Variants in GCNT3 observed in about 807,000 individuals in gnomAD.
GCNT3 encodes the protein glucosaminyl (N-acetyl) transferase 3, mucin type.
For synonymous variants in GCNT3, 269 were observed against 195.2 expected (o/e 1.38, Z -3.15); for missense variants, 708 against 530.3 (o/e 1.34, Z -3.29).
chr15:59,622,399 A>G lies in GCNT3; in HGVS notation c.*2844A>G, dbSNP rs549779784. On this transcript the variant is annotated 3_prime_UTR_variant, in exon 3 of 3. Coordinates refer to ENST00000396065, the MANE Select transcript of GCNT3 (RefSeq NM_004751.3). ...TCACTACCAACTTGCCTGCATTGTA[A>G]TAGAGTCCTATTCACTTTGCTCCCA... is the stretch of plus-strand genomic sequence containing the variant. 51 of 152,184 alleles carry G rather than the reference A, an allele frequency of 3.4e-4. 1 individual carries two copies. The highest frequency in any genetic ancestry group is 1.1e-3 in the African/African-American group (46 of 41,496). The allele number at this position is 152,184 out of a possible 1,614,324, so 9.4% of individuals were successfully genotyped here. A position where few individuals can be genotyped will look rare whatever the true frequency, so the allele number is the denominator to read the frequency against.
chr15:59,618,546 A>G lies in GCNT3; in HGVS notation c.308A>G (p.Tyr103Cys), dbSNP rs2082730938. 1.2e-6 allele frequency: 2 copies of G among 1,614,058 alleles called. No homozygotes were observed. Among genetic ancestry groups the G allele is most frequent in the Non-Finnish European group, 1.7e-6 (2 of 1,180,014 alleles). Reference protein sequence around the residue: ...KKREPFTDTHYLSLTRDCEHF... With the variant: ...KKREPFTDTHCLSLTRDCEHF... ...CGAGAGCCTTTCACAGACACCCACTACCTCTCCCTCACCAGAGACTGTGAG... is the reference window on the plus strand; with the variant it reads ...CGAGAGCCTTTCACAGACACCCACTGCCTCTCCCTCACCAGAGACTGTGAG... Residue 103 changes from tyrosine to cysteine, a missense_variant, in exon 3 of 3, where the codon TAC becomes TGC. Transcript: ENST00000396065.
intron 1 of GCNT3, among the ~76,000 whole-genome samples, chr15:59,613,634 G>A (rs1388797717): frequency 1.3e-5 from 2 of 152,042 alleles, no homozygotes; most frequent in Non-Finnish European, 2.9e-5. Flanking sequence ...GCTGAGGTAG[G>A]AGGATCGCTT....
intron 1 of GCNT3, among the ~76,000 whole-genome samples, chr15:59,613,561 T>C: frequency 6.7e-6 from 1 of 149,398 alleles, no homozygotes; most frequent in South Asian, 2.1e-4. Flanking sequence ...AATAAATAAA[T>C]AAATAAATAA....
chr15:59,616,813 G>T lies in GCNT3; in HGVS notation c.-129G>T. ...CATTTGCTGCCACGGAACACCGCCAGTCTTCACTTGGAAACAGAATCACGC... is the reference window on the plus strand; with the variant it reads ...CATTTGCTGCCACGGAACACCGCCATTCTTCACTTGGAAACAGAATCACGC... On this transcript the variant is annotated 5_prime_UTR_variant, in exon 2 of 3. Coordinates refer to ENST00000396065, the MANE Select transcript of GCNT3 (RefSeq NM_004751.3). 6.6e-6 allele frequency: 1 copy of T among 152,334 alleles called. No homozygotes were observed. The highest frequency in any genetic ancestry group is 1.5e-5 in the Non-Finnish European group (1 of 68,028). 9.4% of individuals were successfully genotyped at this position (152,334 alleles called of 1,614,324 possible). A position where few individuals can be genotyped will look rare whatever the true frequency, so the allele number is the denominator to read the frequency against.
Position 59,618,320 on chromosome 15 carries a change from A to C in GCNT3, c.82A>C (p.Lys28Gln), listed in dbSNP as rs149855339. The change falls in exon 3 of 3, where the codon AAA (lysine) becomes CAA (glutamine). Residue 28 changes from lysine (K) to glutamine (Q), a missense_variant. Coordinates refer to ENST00000396065, the MANE Select transcript of GCNT3 (RefSeq NM_004751.3). ...CYMLLATVAL[K>Q]LSFRLKCDSD... ...TATGCTGCTGGCCACTGTGGCTCTGAAACTTTCTTTCAGGTTGAAGTGTGA... is the reference window on the plus strand; with the variant it reads ...TATGCTGCTGGCCACTGTGGCTCTGCAACTTTCTTTCAGGTTGAAGTGTGA... 2.5e-6 allele frequency: 4 copies of C among 1,613,828 alleles called. No individual in the cohort carries two copies. Among genetic ancestry groups the C allele is most frequent in the African/African-American group, 1.3e-5 (1 of 75,010 alleles).
Position 59,618,180 on chromosome 15 carries a change from A to G in GCNT3, c.-59A>G. 8.6e-6 allele frequency: 8 copies of G among 933,338 alleles called. No individual in the cohort carries two copies. The South Asian group carries it at 1.1e-4, about 13-fold the overall frequency. 57.8% of individuals were successfully genotyped at this position (933,338 alleles called of 1,614,324 possible). A position where few individuals can be genotyped will look rare whatever the true frequency, so the allele number is the denominator to read the frequency against. ...TGGAGGCATTTTGTTCTGTCCAAGGATTGTGTCCTCCTCCACCTTCCCTGT... is the reference window on the plus strand; with the variant it reads ...TGGAGGCATTTTGTTCTGTCCAAGGGTTGTGTCCTCCTCCACCTTCCCTGT... On this transcript the variant is annotated splice_region_variant and 5_prime_UTR_variant, in exon 3 of 3. Transcript: ENST00000396065.
rs2082697793 is a variant in GCNT3, at chr15:59,611,840, C to T, written c.-392C>T. 1 of 152,162 alleles carries T rather than the reference C, an allele frequency of 6.6e-6. No individual in the cohort carries two copies. The highest frequency in any genetic ancestry group is 1.5e-5 in the Non-Finnish European group (1 of 68,078). The allele number at this position is 152,162 out of a possible 1,614,324, so 9.4% of individuals were successfully genotyped here. A position where few individuals can be genotyped will look rare whatever the true frequency, so the allele number is the denominator to read the frequency against. The stretch of plus-strand genomic sequence containing the variant: ...ACTGCCCTTGCTACTTGTGACCTGC[C>T]CTTTACTCAGCAGTTTTTGTTCTGG... On this transcript the variant is annotated 5_prime_UTR_variant, in exon 1 of 3. Transcript: ENST00000396065.
rs2082730184 is a variant in GCNT3 at position 59,618,452 on chromosome 15, G to T, written c.214G>T (p.Gly72Trp). The T allele has an allele frequency of 2.5e-6, 4 of 1,613,746 alleles. No individual in the cohort carries two copies. Among genetic ancestry groups the T allele is most frequent in the African/African-American group, 1.3e-5 (1 of 74,890 alleles). ...AGCAAAGAGGTCTATCAACTGTTCA[G>T]GGGTCACCCGAGGGGACCAAGAGGC... ...LPAKRSINCSGVTRGDQEAVL... is the reference protein window; with the variant it reads ...LPAKRSINCSWVTRGDQEAVL... Residue 72 changes from glycine to tryptophan, a missense_variant, in exon 3 of 3, where the codon GGG becomes TGG. Transcript: ENST00000396065.
In GCNT3 at chr15:59,619,223, G is replaced by T; in HGVS notation, c.985G>T (p.Asp329Tyr). ...IEWVKDTYSP[D>Y]EHLWATLQRA... is the part of the protein sequence containing the mutation. Reference sequence around the variant, plus strand: ...ATGGGTAAAAGACACTTATAGCCCAGATGAACACCTCTGGGCCACCCTTCA... The same window carrying T: ...ATGGGTAAAAGACACTTATAGCCCATATGAACACCTCTGGGCCACCCTTCA... Residue 329 changes from aspartate to tyrosine, a missense_variant, in exon 3 of 3, where the codon GAT (aspartate) becomes TAT (tyrosine). By Grantham distance (160) the Asp-to-Tyr change is radical (BLOSUM62 -3). Coordinates refer to ENST00000396065, the MANE Select transcript of GCNT3 (RefSeq NM_004751.3). The T allele has an allele frequency of 6.2e-7, 1 of 1,614,094 alleles. No homozygotes were observed. Among genetic ancestry groups the T allele is most frequent in the Non-Finnish European group, 8.5e-7 (1 of 1,179,998 alleles).
Position 59,618,675 on chromosome 15 carries a change from T to G in GCNT3, c.437T>G (p.Phe146Cys), listed in dbSNP as rs765596866. ...GTGATTCATGAGAAGATTGAAAACT[T>G]TGAAAGGCTACTGCGAGCTGTGTAT... is the stretch of plus-strand genomic sequence containing the variant. ...SMVIHEKIEN[F>C]ERLLRAVYAP... is the part of the protein sequence containing the mutation. The change falls in exon 3 of 3, where the codon TTT (phenylalanine) becomes TGT (cysteine). Residue 146 changes from phenylalanine (F) to cysteine (C), a missense_variant. Phe to Cys is a radical substitution (Grantham distance 205). Coordinates refer to ENST00000396065, the MANE Select transcript of GCNT3 (RefSeq NM_004751.3). The G allele has an allele frequency of 3.1e-6, 5 of 1,614,188 alleles. No homozygotes were observed. Among genetic ancestry groups the G allele is most frequent in the Non-Finnish European group, 4.2e-6 (5 of 1,180,036 alleles).
intron 1 of GCNT3, among the ~76,000 whole-genome samples, chr15:59,616,025 G>A (rs565190197): frequency 2.6e-5 from 4 of 152,260 alleles, no homozygotes; most frequent in East Asian, 3.9e-4. Context: ...CTATACCATG[G>A]CCAAAACCAC....
In GCNT3 at chr15:59,618,193, C is replaced by G; in HGVS notation, c.-46C>G. On this transcript the variant is annotated 5_prime_UTR_variant, in exon 3 of 3. Transcript: ENST00000396065. ...TTCTGTCCAAGGATTGTGTCCTCCT[C>G]CACCTTCCCTGTGCTCGGTCTCCAC... is the stretch of plus-strand genomic sequence containing the variant. The G allele has an allele frequency of 2.8e-6, 3 of 1,074,268 alleles. No homozygotes were observed. The highest frequency in any genetic ancestry group is 4.1e-6 in the Non-Finnish European group (3 of 729,324). 66.5% of individuals were successfully genotyped at this position (1,074,268 alleles called of 1,614,324 possible).
In GCNT3 at chr15:59,622,320, A is replaced by G. The variant is rs892391413; in HGVS notation, c.*2765A>G. 6.6e-6 allele frequency: 1 copy of G among 152,146 alleles called. No individual in the cohort carries two copies. The highest frequency in any genetic ancestry group is 1.9e-4 in the East Asian group (1 of 5,176). 9.4% of individuals were successfully genotyped at this position (152,146 alleles called of 1,614,324 possible). A position where few individuals can be genotyped will look rare whatever the true frequency, so the allele number is the denominator to read the frequency against. On this transcript the variant is annotated 3_prime_UTR_variant, in exon 3 of 3. Transcript: ENST00000396065. ...AGAGCCAGACTGAGTCTCAAAAAAA[A>G]AAAAAAAGTTACCTTTTTTTGGTAA...
Position 59,611,953 on chromosome 15 carries a change from T to A in GCNT3, c.-279T>A, listed in dbSNP as rs1305451358. Reference sequence around the variant, plus strand: ...ATGACCTCAAGGAGCTTCCTGTCAATGAGAAGACCAAGCTGACGCCTGGCA... The same window carrying A: ...ATGACCTCAAGGAGCTTCCTGTCAAAGAGAAGACCAAGCTGACGCCTGGCA... On this transcript the variant is annotated 5_prime_UTR_variant, in exon 1 of 3. It removes an upstream start codon present in the reference 5' UTR. Coordinates refer to ENST00000396065, the MANE Select transcript of GCNT3 (RefSeq NM_004751.3). 1.3e-5 allele frequency: 2 copies of A among 152,182 alleles called. No homozygotes were observed. The highest frequency in any genetic ancestry group is 2.4e-5 in the African/African-American group (1 of 41,436). 9.4% of individuals were successfully genotyped at this position (152,182 alleles called of 1,614,324 possible).
At position 59,620,334 on chromosome 15, in the gene GCNT3, A is replaced by C. The variant is rs1595657740; in HGVS notation, c.*779A>C. ...AGGCATGCAGCACCATGTCTGGCTAATTTTTGTATTTTTAGTAGAGGCCGG... is the reference window on the plus strand; with the variant it reads ...AGGCATGCAGCACCATGTCTGGCTACTTTTTGTATTTTTAGTAGAGGCCGG... On this transcript the variant is annotated 3_prime_UTR_variant, in exon 3 of 3. Coordinates refer to ENST00000396065, the MANE Select transcript of GCNT3 (RefSeq NM_004751.3). 1 of 166,126 alleles carries C rather than the reference A, an allele frequency of 6.0e-6. No homozygotes were observed. The highest frequency in any genetic ancestry group is 1.9e-4 in the East Asian group (1 of 5,194). The allele number at this position is 166,126 out of a possible 1,614,324, so 10.3% of individuals were successfully genotyped here. A position where few individuals can be genotyped will look rare whatever the true frequency, so the allele number is the denominator to read the frequency against.
rs1023764396 is a variant in GCNT3, at chr15:59,621,334, C to T, written c.*1779C>T. 6.6e-6 allele frequency: 1 copy of T among 152,022 alleles called. No homozygotes were observed. The highest frequency in any genetic ancestry group is 6.6e-5 in the Admixed American group (1 of 15,256). 9.4% of individuals were successfully genotyped at this position (152,022 alleles called of 1,614,324 possible). A position where few individuals can be genotyped will look rare whatever the true frequency, so the allele number is the denominator to read the frequency against. ...ATGTATACACACATACAGCACGCTACCTCCCAAGTGTTACCTAGTGAAACA... is the reference window on the plus strand; with the variant it reads ...ATGTATACACACATACAGCACGCTATCTCCCAAGTGTTACCTAGTGAAACA... On this transcript the variant is annotated 3_prime_UTR_variant, in exon 3 of 3. Transcript: ENST00000396065.
chr15:59,618,629 T>G lies in GCNT3; in HGVS notation c.391T>G (p.Phe131Val). The change falls in exon 3 of 3, where the codon TTC (phenylalanine) becomes GTC (valine). Residue 131 changes from phenylalanine (F) to valine (V), a missense_variant. Phe to Val is a conservative substitution (Grantham distance 50). Coordinates refer to ENST00000396065, the MANE Select transcript of GCNT3 (RefSeq NM_004751.3). ...QFPLSKEEVE[F>V]PIAYSMVIHE... is the part of the protein sequence containing the mutation. Reference sequence around the variant, plus strand: ...CCCACTGAGCAAAGAAGAGGTGGAGTTCCCTATTGCATACTCTATGGTGAT... The same window carrying G: ...CCCACTGAGCAAAGAAGAGGTGGAGGTCCCTATTGCATACTCTATGGTGAT... The G allele has an allele frequency of 2.5e-6, 4 of 1,613,860 alleles. No homozygotes were observed. Among genetic ancestry groups the G allele is most frequent in the Non-Finnish European group, 3.4e-6 (4 of 1,179,950 alleles).
rs1890933395 is a variant in GCNT3, at chr15:59,621,586, ATTTTTGTTTTT to A, written c.*2037_*2047del. 1.1e-5 allele frequency: 1 copy of A among 90,846 alleles called. No individual in the cohort carries two copies. 5.6% of individuals were successfully genotyped at this position (90,846 alleles called of 1,614,324 possible). On this transcript the variant is annotated 3_prime_UTR_variant, in exon 3 of 3. Transcript: ENST00000396065. The stretch of plus-strand genomic sequence containing the variant: ...TCATTAATATGTTTCTTCCTTTCTG[ATTTTTGTTTTT>A]TTTTTTTTTTTTGAGACAGAGTCTC...
chr15:59,616,612 T>G (rs2082720781), intron 1 of GCNT3, 80 bp from the exon 2 acceptor site: 3 of 152,228 alleles, frequency 2.0e-5, no homozygotes, highest in Admixed American at 6.5e-5. Flanking sequence ...CTGCATGATT[T>G]CTCTGAGCTT....
Sources: allele counts gnomAD v4.1 joint callset (sites outside exome capture counted in the v4.1 genomes callset), GRCh38; gene constraint gnomAD v4.1.1; transcripts MANE v1.5; gene names NCBI Gene and HGNC (gene_info 2026-07-23, HGNC 2026-07-21).